The following C12orf76 variants were observed in gnomAD, a reference collection of about 807,000 sequenced individuals.
C12orf76 encodes the protein uncharacterized protein C12orf76.
A neutral mutation model predicts 6.8 loss-of-function variants in C12orf76; 6 were observed. That is an observed-to-expected ratio of 0.88 (90% CI 0.48 to 1.73). The LOEUF (loss-of-function observed/expected upper bound fraction) is 1.73. Ranked by LOEUF, C12orf76 falls within the 40% of genes most tolerant of loss-of-function variation. The pLI is 0.01. For missense variants in C12orf76, 99 were observed against 98.2 expected (o/e 1.01, Z -0.03); for synonymous variants, 56 against 43.7 (o/e 1.28, Z -1.11).
rs1239357872 is a variant in C12orf76, at chr12:110,055,355, C to T, written n.664+1834G>A. Among the ~76,000 whole-genome samples the T allele has an allele frequency of 3.3e-5, 5 of 151,914 alleles. No individual in the cohort carries two copies. The East Asian group carries it at 7.7e-4, about 24-fold the overall frequency. ...CAGCCTCCCTAGTATTACAGGCATG[C>T]GCCGCCACACCCAGCTATATTTTGT... is the stretch of plus-strand genomic sequence containing the variant. On this transcript the variant is annotated intron_variant and non_coding_transcript_variant, in intron 4 of 4. Coordinates refer to the C12orf76 transcript ENST00000309050.
upstream of C12orf76, among the ~76,000 whole-genome samples, chr12:110,070,435 A>G (rs144954857): frequency 3.3e-3 from 504 of 151,988 alleles, 4 homozygotes; most frequent in African/African-American, 0.012. Flanking sequence ...GCGTCATGGC[A>G]TGTGCCTATG....
chr12:110,046,682 T>C (rs1175361867), intron 1 of C12orf76, among the ~76,000 whole-genome samples: 1 of 152,200 alleles, frequency 6.6e-6, no homozygotes, highest in Admixed American at 6.5e-5. Context: ...ATTTCTGTAG[T>C]CATCTCTTTG....
chr12:110,045,514 AGTCGGGG>A (rs1159026147), intron 1 of C12orf76, among the ~76,000 whole-genome samples: 1 of 150,600 alleles, frequency 6.6e-6, no homozygotes, highest in African/African-American at 2.4e-5. Context: ...TGAACCAGGG[AGTCGGGG>A]GTTGCAGTGA....
At chr12:110,051,210 G>A, upstream of C12orf76, 2 of 774,158 alleles carry the variant, frequency 2.6e-6, no homozygotes, top group East Asian at 2.4e-5. Context: ...GCATAGCACA[G>A]TGGGGTGGGA....
chr12:110,066,909 C>T (rs1446412304), intron 1 of C12orf76, among the ~76,000 whole-genome samples: 1 of 152,144 alleles, frequency 6.6e-6, no homozygotes, highest in Non-Finnish European at 1.5e-5. Flanking sequence ...ATCTCCATGG[C>T]GACGGCCAGC....
At chr12:110,050,734 A>C, upstream of C12orf76, 4 of 478,690 alleles carry the variant, frequency 8.4e-6, no homozygotes, top group Non-Finnish European at 7.4e-6. Flanking sequence ...CCTAACCAGC[A>C]GCCCTCGGGG....
At chr12:110,073,502 C>A in exon 1 of C12orf76, 2 of 521,720 alleles carry the variant, frequency 3.8e-6, no homozygotes, top group Admixed American at 2.0e-5. Flanking sequence ...CTTTGTTTGT[C>A]TCATACAGGA....
At chr12:110,067,816 C>A (rs11837455), upstream of C12orf76, 10,660 of 152,284 alleles carry the variant, frequency 0.07, 401 homozygotes, top group African/African-American at 0.093. Flanking sequence ...AGAGTCTTTC[C>A]CGGGACTTTC....
At chr12:110,062,138 C>T (rs534113028) in intron 2 of C12orf76, among the ~76,000 whole-genome samples, 1 of 152,164 alleles carries the variant, frequency 6.6e-6, no homozygotes, top group South Asian at 2.1e-4. Flanking sequence ...GTGGCGCACG[C>T]CTGTAATCCC....
upstream of C12orf76, among the ~76,000 whole-genome samples, chr12:110,068,283 G>GA (rs1892909554): frequency 7.0e-6 from 1 of 142,282 alleles, no homozygotes; most frequent in South Asian, 2.3e-4. Flanking sequence ...AGAAGAAGAA[G>GA]AAGAAGAAGA....
chr12:110,048,720 T>C (rs1892519790), upstream of C12orf76: 1 of 1,186,062 alleles, frequency 8.4e-7, no homozygotes, highest in Non-Finnish European at 1.1e-6. Flanking sequence ...CAGATCAACT[T>C]TCCGTCTGTG....
chr12:110,048,290 T>A (rs895894980), intron 1 of C12orf76, 73 bp downstream of exon 1: 6 of 1,429,208 alleles, frequency 4.2e-6, no homozygotes, highest in Admixed American at 2.6e-5. Flanking sequence ...GCTCCGTACA[T>A]GCCCGGCTCC....
At chr12:110,061,083 C>CA (rs34382276) in intron 2 of C12orf76, among the ~76,000 whole-genome samples, 20,518 of 84,008 alleles carry the variant, frequency 0.24, 1,855 homozygotes, top group South Asian at 0.33. Context: ...GACTCTGACT[C>CA]AAAAAAAAAA....
chr12:110,046,903 G>GC (rs1185010403), intron 1 of C12orf76, among the ~76,000 whole-genome samples: 3 of 151,970 alleles, frequency 2.0e-5, no homozygotes, highest in Admixed American at 6.6e-5. Flanking sequence ...GTTTATCATA[G>GC]CCCCCCCACT....
chr12:110,053,507 A>T (rs997708569), upstream of C12orf76, among the ~76,000 whole-genome samples: 9 of 150,502 alleles, frequency 6.0e-5, no homozygotes, highest in African/African-American at 2.2e-4. Context: ...TTGGGGGGAA[A>T]ACAAAAAAGT....
intron 1 of C12orf76, chr12:110,073,346 C>A: frequency 2.1e-6 from 1 of 483,200 alleles, no homozygotes; most frequent in African/African-American, 2.0e-5. Context: ...AGAATGTGCA[C>A]CTGAAGCTGC....
intron 4 of C12orf76, among the ~76,000 whole-genome samples, chr12:110,055,969 A>C (rs1174078887): frequency 6.6e-6 from 1 of 151,928 alleles, no homozygotes; most frequent in Non-Finnish European, 1.5e-5. Flanking sequence ...ACTACCTGGG[A>C]GGCTGAGGCA....
chr12:110,042,271 G>A lies in C12orf76; in HGVS notation c.*103C>T, dbSNP rs1321075703. The A allele has an allele frequency of 4.7e-6, 4 of 859,920 alleles. No individual in the cohort carries two copies. In the Admixed American group the frequency reaches 7.5e-5, roughly 16 times the overall value. The allele number at this position is 859,920 out of a possible 1,614,324, so 53.3% of individuals were successfully genotyped here. The stretch of plus-strand genomic sequence containing the variant: ...CATTTACCAACTGTCCAGACCAAAG[G>A]TCATTTCCAAGTAGGAAAGTTTTGG... On this transcript the variant is annotated 3_prime_UTR_variant, in exon 2 of 2. Transcript: ENST00000615315.
chr12:110,068,315 A>AGAAGAG (rs1566080252), upstream of C12orf76, among the ~76,000 whole-genome samples: 13 of 144,724 alleles, frequency 9.0e-5, no homozygotes, highest in African/African-American at 3.3e-4. Flanking sequence ...AAGAAGAAGA[A>AGAAGAG]GAAGAAGAAG....
Sources: gnomAD v4.1 joint callset for allele counts (sites outside exome capture counted in the v4.1 genomes callset) on GRCh38, gnomAD v4.1.1 for gene constraint, MANE v1.5 for transcripts, NCBI Gene and HGNC (gene_info 2026-07-23, HGNC 2026-07-21) for gene names.